ADORA1: variants seen among roughly 807,000 people sequenced by gnomAD.
ADORA1 encodes the protein adenosine receptor A1.
ADORA1 carries 6 observed loss-of-function variants against 19.9 expected under a neutral mutation model. The ratio of observed to expected loss-of-function variants is 0.30; its 90% CI spans 0.17 to 0.59. The LOEUF (loss-of-function observed/expected upper bound fraction) is 0.59. Ranked by LOEUF, ADORA1 falls within the 20% of genes least tolerant of loss-of-function variation. The probability of loss-of-function intolerance (pLI) is 0.87; values close to 1 mark genes in which losing one functional copy is unlikely to be tolerated. For missense variants in ADORA1, 302 were observed against 439.2 expected, an observed-to-expected ratio of 0.69 and a Z score of 2.79; for synonymous variants, 194 against 188.4, an observed-to-expected ratio of 1.03 and a Z score of -0.24.
intron 3 of ADORA1, among the ~76,000 whole-genome samples, chr1:203,136,575 G>A (rs1024558383): frequency 5.9e-5 from 9 of 152,184 alleles, no homozygotes; most frequent in Admixed American, 3.3e-4. Context: ...ACAGCTCAGA[G>A]TCTCTGCTGA....
rs1381528881 is a variant in ADORA1 at position 203,150,848 on chromosome 1, G to C, written c.342-14413G>C. 5 of 1,270,418 alleles carry C rather than the reference G, an allele frequency of 3.9e-6. No homozygotes were observed. The East Asian group carries it at 2.2e-4, about 57-fold the overall frequency. 78.7% of individuals were successfully genotyped at this position (1,270,418 alleles called of 1,614,324 possible). A position where few individuals can be genotyped will look rare whatever the true frequency, so the allele number is the denominator to read the frequency against. ...TCTGTTGAATCTTTTCCAGGGCAGG[G>C]GGCTAGGTGCTGTGAGCTTTAGGGG... On this transcript the variant is annotated intron_variant, in intron 3 of 3. Coordinates refer to ENST00000337894, the MANE Select transcript of ADORA1 (RefSeq NM_000674.3).
chr1:203,157,767 G>A (rs1457341592), intron 3 of ADORA1, among the ~76,000 whole-genome samples: 1 of 152,236 alleles, frequency 6.6e-6, no homozygotes, highest in Admixed American at 6.5e-5. Flanking sequence ...GTGCTCTCTG[G>A]AGCAGCAGCA....
intron 3 of ADORA1, among the ~76,000 whole-genome samples, chr1:203,153,467 G>A (rs936285823): frequency 6.6e-6 from 1 of 152,204 alleles, no homozygotes; most frequent in African/African-American, 2.4e-5. Context: ...GACCAGGAGT[G>A]ATTTCCAAGG....
At chr1:203,147,195 A>T (rs1038750288) in intron 3 of ADORA1, among the ~76,000 whole-genome samples, 8 of 152,212 alleles carry the variant, frequency 5.3e-5, no homozygotes, top group Non-Finnish European at 1.2e-4. Flanking sequence ...TGCATTGGGT[A>T]GGATCGTTGG....
At position 203,128,110 on chromosome 1, in the gene ADORA1, G is replaced by T. The variant is rs56298433; in HGVS notation, c.-212-168G>T. Among the ~76,000 whole-genome samples the T allele has an allele frequency of 0.012, 1,857 of 152,288 alleles. 33 individuals are homozygous for T. Among genetic ancestry groups the T allele is most frequent in the African/African-American group, 0.038 (1,600 of 41,562 alleles). ...GACGGGTCTCAAGTGGGTGGGCGCAGGGCAGGTGCGGGCACGCTGGGGAAT... is the reference window on the plus strand; with the variant it reads ...GACGGGTCTCAAGTGGGTGGGCGCATGGCAGGTGCGGGCACGCTGGGGAAT... On this transcript the variant is annotated intron_variant, in intron 1 of 3. Coordinates refer to ENST00000337894, the MANE Select transcript of ADORA1 (RefSeq NM_000674.3). The surrounding 1 kb of genome is among the most constrained non-coding windows in gnomAD (Gnocchi z 5.9).
At chr1:203,139,812 T>A (rs1654622096) in intron 3 of ADORA1, among the ~76,000 whole-genome samples, 1 of 152,122 alleles carries the variant, frequency 6.6e-6, no homozygotes, top group Non-Finnish European at 1.5e-5. Flanking sequence ...AAGGGAGCCG[T>A]GCTGGTATTC....
intron 3 of ADORA1, among the ~76,000 whole-genome samples, chr1:203,153,588 G>A (rs1051102512): frequency 2.0e-5 from 3 of 152,156 alleles, no homozygotes; most frequent in Non-Finnish European, 4.4e-5. Context: ...GTCAGCCCGA[G>A]TCTCCTTTTG....
rs754539453 is a variant in ADORA1, at chr1:203,165,685, A to G, written c.766A>G (p.Ile256Val). The stretch of plus-strand genomic sequence containing the variant: ...GCTGCCTTTGCACATCCTCAACTGC[A>G]TCACCCTCTTCTGCCCGTCCTGCCA... ...SWLPLHILNC[I>V]TLFCPSCHKP... Residue 256 changes from isoleucine (I) to valine (V), a missense_variant, in exon 4 of 4, where the codon ATC (isoleucine) becomes GTC (valine). Ile to Val is a conservative substitution (Grantham distance 29). Transcript: ENST00000337894. This position sits in a 1 kb window ranked among gnomAD's most constrained non-coding sequence, Gnocchi z 5.9. The G allele has an allele frequency of 3.1e-6, 5 of 1,610,620 alleles. No individual in the cohort carries two copies. Among genetic ancestry groups the G allele is most frequent in the Middle Eastern group, 1.7e-4 (1 of 6,042 alleles).
chr1:203,134,586 G>A (rs1654445874), intron 3 of ADORA1, among the ~76,000 whole-genome samples: 1 of 152,176 alleles, frequency 6.6e-6, no homozygotes, highest in African/African-American at 2.4e-5. Context: ...AGCTCTGCGT[G>A]GAAGCCGGAG....
At chr1:203,144,029 A>G (rs965171522) in intron 3 of ADORA1, among the ~76,000 whole-genome samples, 17 of 150,878 alleles carry the variant, frequency 1.1e-4, no homozygotes, top group African/African-American at 4.2e-4. Flanking sequence ...TAACCTGTCT[A>G]GGAGTTACGG....
chr1:203,140,075 C>T (rs577526911), intron 3 of ADORA1, among the ~76,000 whole-genome samples: 3 of 152,306 alleles, frequency 2.0e-5, no homozygotes, highest in South Asian at 2.1e-4. Context: ...GATAATATAT[C>T]ACCACCCGAA....
intron 3 of ADORA1, among the ~76,000 whole-genome samples, chr1:203,153,125 A>C (rs548403940): frequency 6.6e-6 from 1 of 151,994 alleles, no homozygotes; most frequent in South Asian, 2.1e-4. Flanking sequence ...CTGCAGGCAC[A>C]CAGGTCTGGG....
intron 3 of ADORA1, among the ~76,000 whole-genome samples, chr1:203,159,360 C>T (rs950260485): frequency 2.0e-5 from 3 of 152,224 alleles, no homozygotes; most frequent in Non-Finnish European, 4.4e-5. Context: ...CTTGCTGCAG[C>T]CCTCTCAGCC....
chr1:203,155,124 C>T (rs1420826651), intron 3 of ADORA1, among the ~76,000 whole-genome samples: 1 of 151,820 alleles, frequency 6.6e-6, no homozygotes, highest in Non-Finnish European at 1.5e-5. Context: ...TCACTGCAAC[C>T]TCCACCTCCC....
intron 3 of ADORA1, among the ~76,000 whole-genome samples, chr1:203,147,426 A>G (rs1654892745): frequency 6.6e-6 from 1 of 152,148 alleles, no homozygotes; most frequent in Non-Finnish European, 1.5e-5. Context: ...TCATGATCCA[A>G]AACAATGCCT....
chr1:203,151,788 G>T lies in ADORA1; in HGVS notation c.342-13473G>T, dbSNP rs75234374. Among the ~76,000 whole-genome samples, 784 of 151,320 alleles carry T rather than the reference G, an allele frequency of 5.2e-3. 3 individuals are homozygous for T. The highest frequency in any genetic ancestry group is 0.018 in the African/African-American group (728 of 41,198). On this transcript the variant is annotated intron_variant, in intron 3 of 3. Coordinates refer to ENST00000337894, the MANE Select transcript of ADORA1 (RefSeq NM_000674.3). ...CCCACAGCACACTTCATGCATGCAT[G>T]CATTCATTCATTCATTCATTCATTC...
In ADORA1 at chr1:203,150,555, G is replaced by T. The variant is rs868157388; in HGVS notation, c.342-14706G>T. The T allele has an allele frequency of 4.0e-6, 5 of 1,239,296 alleles. No individual in the cohort carries two copies. In the East Asian group the frequency reaches 2.8e-4, roughly 70 times the overall value. The allele number at this position is 1,239,296 out of a possible 1,614,324, so 76.8% of individuals were successfully genotyped here. A position where few individuals can be genotyped will look rare whatever the true frequency, so the allele number is the denominator to read the frequency against. ...TGGGGTCCTTCCTGCTGTTATTTGG[G>T]CTCTACACCCCTTTGCCTGGTTGCA... On this transcript the variant is annotated intron_variant, in intron 3 of 3. Transcript: ENST00000337894.
rs759341312 is a variant in ADORA1 at position 203,165,179 on chromosome 1, C to T, written c.342-82C>T. The T allele has an allele frequency of 3.8e-6, 6 of 1,599,548 alleles. No homozygotes were observed. The Admixed American group carries it at 8.7e-5, about 23-fold the overall frequency. The stretch of plus-strand genomic sequence containing the variant: ...GAGGAGGGTGCTCCTCTTAGAGGCC[C>T]CTGGAGGCCAGGCGTGCCTCAGAGG... On this transcript the variant is annotated intron_variant, in intron 3 of 3. Coordinates refer to ENST00000337894, the MANE Select transcript of ADORA1 (RefSeq NM_000674.3). This position sits in a 1 kb window ranked among gnomAD's most constrained non-coding sequence, Gnocchi z 5.9.
At chr1:203,161,109 G>C (rs1558138230) in intron 3 of ADORA1, among the ~76,000 whole-genome samples, 1 of 152,148 alleles carries the variant, frequency 6.6e-6, no homozygotes, top group Non-Finnish European at 1.5e-5. Context: ...ATCCTTTTCT[G>C]TTCAGCCACC....
Sources: allele counts gnomAD v4.1 joint callset (sites outside exome capture counted in the v4.1 genomes callset), GRCh38; gene constraint gnomAD v4.1.1; non-coding constraint Gnocchi (gnomAD v3.1); transcripts MANE v1.5; gene names NCBI Gene and HGNC (gene_info 2026-07-23, HGNC 2026-07-21).